The following PCDH19 variants were observed in gnomAD, a reference collection of about 807,000 sequenced individuals.
The protein encoded by PCDH19 is protocadherin-19.
In PCDH19, 6 loss-of-function variants were observed where a neutral mutation model predicts 46.2. That is an observed-to-expected ratio of 0.13 (90% CI 0.07 to 0.26). The LOEUF is 0.26. PCDH19 is among the 10% of genes least tolerant of loss of function. The pLI, the probability that PCDH19 is intolerant of heterozygous loss-of-function variation, is 1.00. For missense variants in PCDH19, 740 were observed against 972.3 expected, an observed-to-expected ratio of 0.76 and a Z score of 3.18; for synonymous variants, 481 against 415.7, an observed-to-expected ratio of 1.16 and a Z score of -1.91.
intron 3 of PCDH19, among the ~76,000 whole-genome samples, chrX:100,381,778 C>T (rs769774778): frequency 3.4e-4 from 38 of 111,877 alleles, no homozygotes; most frequent in Non-Finnish European, 5.3e-4. Context: ...GCACATTTCA[C>T]AATGGTTGGG....
At chrX:100,384,954 T>A (rs1488751262) in intron 3 of PCDH19, among the ~76,000 whole-genome samples, 1 of 109,752 alleles carries the variant, frequency 9.1e-6, no homozygotes, top group Non-Finnish European at 1.9e-5. Flanking sequence ...AGGTCAGGAG[T>A]TCATGACCAG....
chrX:100,375,671 A>G (rs1927356777), intron 3 of PCDH19, among the ~76,000 whole-genome samples: 1 of 111,828 alleles, frequency 8.9e-6, no homozygotes, highest in African/African-American at 3.3e-5. Context: ...AATCGCCACA[A>G]TGTCTTCCAC....
intron 3 of PCDH19, among the ~76,000 whole-genome samples, chrX:100,353,773 C>A (rs1478890032): frequency 9.0e-6 from 1 of 111,645 alleles, no homozygotes; most frequent in East Asian, 2.8e-4. Context: ...AGGAATAAAC[C>A]ACCCATTCTT....
At chrX:100,376,888 A>G (rs1927402969) in intron 3 of PCDH19, among the ~76,000 whole-genome samples, 1 of 112,538 alleles carries the variant, frequency 8.9e-6, no homozygotes, top group Admixed American at 9.4e-5. Flanking sequence ...GCTGAGCAAT[A>G]AAATCACAAC....
At chrX:100,302,930 C>T (rs1924827798) in intron 5 of PCDH19, among the ~76,000 whole-genome samples, 1 of 111,598 alleles carries the variant, frequency 9.0e-6, no homozygotes, top group Non-Finnish European at 1.9e-5. Flanking sequence ...GATACTGTCC[C>T]ACCCCAGATA....
chrX:100,367,330 A>T (rs1431957646), intron 3 of PCDH19, among the ~76,000 whole-genome samples: 2 of 112,326 alleles, frequency 1.8e-5, no homozygotes, highest in Non-Finnish European at 3.8e-5. Context: ...AGTTAAATGG[A>T]GAGACAATTA....
At chrX:100,315,834 G>A (rs968867667) in intron 5 of PCDH19, among the ~76,000 whole-genome samples, 1 of 112,133 alleles carries the variant, frequency 8.9e-6, no homozygotes, top group Admixed American at 9.5e-5. Context: ...CAATGCACAT[G>A]CTACAAATAC....
chrX:100,319,756 C>T (rs1405756257), intron 5 of PCDH19, among the ~76,000 whole-genome samples: 2 of 111,915 alleles, frequency 1.8e-5, no homozygotes, highest in African/African-American at 6.5e-5. Context: ...AACTAATGGC[C>T]AGCTAAAAAA....
chrX:100,372,680 T>C (rs962457754), intron 3 of PCDH19, among the ~76,000 whole-genome samples: 1 of 112,073 alleles, frequency 8.9e-6, no homozygotes, highest in African/African-American at 3.2e-5. Context: ...CAATAGAAAT[T>C]TGTGGCGTGA....
intron 3 of PCDH19, among the ~76,000 whole-genome samples, chrX:100,375,224 G>A (rs897415232): frequency 2.0e-4 from 22 of 111,562 alleles, no homozygotes; most frequent in Non-Finnish European, 3.8e-4. Flanking sequence ...CTATTAACTC[G>A]TCATTTACAT....
chrX:100,388,488 T>C (rs780515324), intron 3 of PCDH19, among the ~76,000 whole-genome samples: 1 of 110,808 alleles, frequency 9.0e-6, no homozygotes, highest in South Asian at 3.8e-4. Context: ...TATTAACATA[T>C]TGATGATATT....
chrX:100,338,878 C>G (rs1176769491), intron 5 of PCDH19, among the ~76,000 whole-genome samples: 1 of 112,137 alleles, frequency 8.9e-6, no homozygotes, highest in Non-Finnish European at 1.9e-5. Flanking sequence ...CAAACCATTC[C>G]TGCTCAAAGG....
In PCDH19 at chrX:100,342,154, G is replaced by T; in HGVS notation, c.2676-79C>A. ...ATCTTTCTGAGCCAGGATGATGTCG[G>T]CTCTGTAATGAGGCAAACAGTGGCT... On this transcript the variant is annotated intron_variant, in intron 4 of 5. Transcript: ENST00000373034. 4 of 917,457 alleles carry T rather than the reference G, an allele frequency of 4.4e-6. No individual in the cohort carries two copies. The South Asian group carries it at 8.0e-5, about 18-fold the overall frequency. The allele number at this position is 917,457 out of a possible 1,213,427, so 75.6% of individuals were successfully genotyped here.
In PCDH19 at chrX:100,408,656, C is replaced by G; in HGVS notation, c.-59G>C. ...CACACCCCTCCGAGACCGACGCCGT[C>G]GGCGCTCCAGCTTCCCGCCGGCTCG... On this transcript the variant is annotated 5_prime_UTR_variant, in exon 1 of 6. Transcript: ENST00000373034. 1 of 1,003,433 alleles carries G rather than the reference C, an allele frequency of 1.0e-6. No homozygotes were observed. Among genetic ancestry groups the G allele is most frequent in the East Asian group, 3.4e-5 (1 of 29,845 alleles). 82.7% of individuals were successfully genotyped at this position (1,003,433 alleles called of 1,213,427 possible). A position where few individuals can be genotyped will look rare whatever the true frequency, so the allele number is the denominator to read the frequency against.
chrX:100,378,722 A>T (rs181782313), intron 3 of PCDH19, among the ~76,000 whole-genome samples: 1 of 112,574 alleles, frequency 8.9e-6, no homozygotes, highest in Admixed American at 9.4e-5. Flanking sequence ...GGAGATTAGC[A>T]CTACGGGCAG....
chrX:100,403,343 T>C (rs1928250326), intron 2 of PCDH19, among the ~76,000 whole-genome samples, 181 bp downstream of exon 2: 1 of 103,855 alleles, frequency 9.6e-6, no homozygotes, highest in Non-Finnish European at 2.0e-5. Flanking sequence ...ATCAGCTTCC[T>C]CTATGACTCA....
At chrX:100,350,586 T>C (rs1418296097) in intron 4 of PCDH19, 60 bp downstream of exon 4, 7 of 793,865 alleles carry the variant, frequency 8.8e-6, no homozygotes, top group African/African-American at 2.0e-5. Flanking sequence ...TTTTAATCTG[T>C]TTTGCTTTTT....
Position 100,407,755 on chromosome X carries a change from G to T in PCDH19, c.843C>A (p.Val281=). ...GAAAGAGCTCGCGCGTGCGGTCGTT[G>T]ACGTAGCCATAGAAGGAGTAGACCA... is the stretch of plus-strand genomic sequence containing the variant. ...GQVVYSFYGY[V]NDRTRELFQI... Residue 281 remains valine (V), a synonymous_variant, in exon 1 of 6, where the codon GTC becomes GTA. Transcript: ENST00000373034. 1 of 1,212,365 alleles carries T rather than the reference G, an allele frequency of 8.2e-7. No individual in the cohort carries two copies. Among genetic ancestry groups the T allele is most frequent in the Non-Finnish European group, 1.1e-6 (1 of 895,644 alleles).
chrX:100,374,148 GA>G (rs1479454230), intron 3 of PCDH19, among the ~76,000 whole-genome samples: 1 of 112,509 alleles, frequency 8.9e-6, no homozygotes, highest in African/African-American at 3.2e-5. Context: ...AATATCTTGG[GA>G]AAAGGGGAAC....
Sources: allele counts gnomAD v4.1 joint callset (sites outside exome capture counted in the v4.1 genomes callset), GRCh38; gene constraint gnomAD v4.1.1; transcripts MANE v1.5; gene names NCBI Gene and HGNC (gene_info 2026-07-23, HGNC 2026-07-21).